The following GABRR3 variants were observed in gnomAD, a reference collection of about 807,000 sequenced individuals.
GABRR3 encodes gamma-aminobutyric acid receptor subunit rho-3.
Under a neutral mutation model 43.2 loss-of-function variants are expected in GABRR3, and 29 were observed. The observed-to-expected ratio is 0.67, with a 90% CI of 0.50 to 0.92. The LOEUF (loss-of-function observed/expected upper bound fraction) is 0.92. Ranked by LOEUF, GABRR3 falls within the 40% of genes least tolerant of loss-of-function variation. The pLI, the probability that GABRR3 is intolerant of heterozygous loss-of-function variation, is 0.00. For synonymous variants in GABRR3, 206 were observed against 195.9 expected, an observed-to-expected ratio of 1.05 and a Z score of -0.43; for missense variants, 576 against 572.3, an observed-to-expected ratio of 1.01 and a Z score of -0.07.
intron 2 of GABRR3, among the ~76,000 whole-genome samples, chr3:98,032,712 T>C (rs1425536733): frequency 6.6e-6 from 1 of 152,216 alleles, no homozygotes; most frequent in Non-Finnish European, 1.5e-5. Flanking sequence ...AGTGAGGTTA[T>C]ATTCTGAATG....
At chr3:98,008,924 G>T in intron 6 of GABRR3, 32 bp downstream of exon 6, 1 of 1,298,946 alleles carries the variant, frequency 7.7e-7, no homozygotes, top group Non-Finnish European at 1.1e-6. Flanking sequence ...TTCAAATGAT[G>T]TGCACTCACT....
At chr3:98,024,388 AAAG>A (rs1559781039) in intron 3 of GABRR3, among the ~76,000 whole-genome samples, 1 of 151,290 alleles carries the variant, frequency 6.6e-6, no homozygotes, top group Non-Finnish European at 1.5e-5. Flanking sequence ...AAAAAAAAAA[AAAG>A]AACAGGAACC....
intron 5 of GABRR3, among the ~76,000 whole-genome samples, chr3:98,011,099 C>T (rs1206405507): frequency 6.6e-6 from 1 of 152,142 alleles, no homozygotes; most frequent in African/African-American, 2.4e-5. Context: ...GGCCCTGTTC[C>T]TCCCCCAACC....
At chr3:98,017,597 G>T in intron 4 of GABRR3, 58 bp downstream of exon 4, 1 of 1,204,498 alleles carries the variant, frequency 8.3e-7, no homozygotes, top group South Asian at 1.3e-5. Flanking sequence ...TAGTGATTTT[G>T]ACACTGCCGA....
intron 4 of GABRR3, among the ~76,000 whole-genome samples, chr3:98,016,359 C>A (rs1191606692): frequency 6.6e-6 from 1 of 152,108 alleles, no homozygotes; most frequent in African/African-American, 2.4e-5. Flanking sequence ...TTGAAAGAAC[C>A]TAGTACCTCC....
At chr3:98,032,465 C>G (rs1707098549) in intron 2 of GABRR3, among the ~76,000 whole-genome samples, 1 of 152,122 alleles carries the variant, frequency 6.6e-6, no homozygotes, top group Non-Finnish European at 1.5e-5. Flanking sequence ...GTAAATATCA[C>G]TCAGTGTAAT....
At chr3:97,989,248 T>C (rs1164816791) in intron 9 of GABRR3, among the ~76,000 whole-genome samples, 1 of 141,202 alleles carries the variant, frequency 7.1e-6, no homozygotes, top group Non-Finnish European at 1.5e-5. Context: ...TGAACAGTGG[T>C]TGATGATGGT....
chr3:98,019,657 C>T (rs1029505376), intron 3 of GABRR3, among the ~76,000 whole-genome samples: 1 of 152,094 alleles, frequency 6.6e-6, no homozygotes, highest in African/African-American at 2.4e-5. Context: ...ACGATCTTGG[C>T]TCACTGCAAC....
At chr3:98,008,434 C>T (rs1706749710) in intron 6 of GABRR3, among the ~76,000 whole-genome samples, 1 of 152,146 alleles carries the variant, frequency 6.6e-6, no homozygotes, top group Non-Finnish European at 1.5e-5. Flanking sequence ...GACACATTTG[C>T]AAAAACTGCA....
At chr3:98,014,269 G>A (rs1226567817) in intron 4 of GABRR3, among the ~76,000 whole-genome samples, 1 of 152,186 alleles carries the variant, frequency 6.6e-6, no homozygotes, top group African/African-American at 2.4e-5. Context: ...TGCAAACTGG[G>A]TCATTCAGAA....
intron 3 of GABRR3, among the ~76,000 whole-genome samples, chr3:98,018,635 T>A (rs1192781808): frequency 6.6e-6 from 1 of 152,190 alleles, no homozygotes; most frequent in African/African-American, 2.4e-5. Context: ...TATGTACATA[T>A]GTGTTAAAAT....
At position 98,020,413 on chromosome 3, in the gene GABRR3, A is replaced by T. The variant is rs1031507344; in HGVS notation, c.239-2691T>A. 1.7e-4 allele frequency among the ~76,000 whole-genome samples: 24 copies of T among 144,662 alleles called. 1 individual carries two copies. Among genetic ancestry groups the T allele is most frequent in the African/African-American group, 6.1e-4 (24 of 39,042 alleles). 94.9% of individuals were successfully genotyped at this position (144,662 alleles called of 152,430 possible). A position where few individuals can be genotyped will look rare whatever the true frequency, so the allele number is the denominator to read the frequency against. ...AACCTGCCCCTTAGGAATGTAAGCC[A>T]CTACTCCCAATCCTACGCACATTTA... On this transcript the variant is annotated intron_variant, in intron 3 of 9. Coordinates refer to ENST00000621172, the Ensembl canonical transcript of GABRR3.
In GABRR3 at chr3:98,009,031, C is replaced by A. The variant is rs78317321; in HGVS notation, c.538G>T (p.Val180Phe). The A allele has an allele frequency of 5.6e-6, 9 of 1,602,120 alleles. No homozygotes were observed. The highest frequency in any genetic ancestry group is 5.1e-5 in the Admixed American group (3 of 58,822). ...AAATCCATAAAGCACATGGCCGAAA[C>A]CGTTATCCTATAAAAAGAATGAGAA... Residue 180 changes from valine (V) to phenylalanine (F), a missense_variant, in exon 6 of 10, where the codon GTT becomes TTT. Val to Phe is a conservative substitution (Grantham distance 50). Transcript: ENST00000621172.
chr3:98,033,341 G>A (rs1014178879), intron 2 of GABRR3, among the ~76,000 whole-genome samples: 1 of 152,224 alleles, frequency 6.6e-6, no homozygotes, highest in Admixed American at 6.5e-5. Context: ...TACGGGGGAA[G>A]TCTGCTTTTG....
chr3:97,995,752 G>A (rs574836910), intron 8 of GABRR3, among the ~76,000 whole-genome samples: 13 of 152,104 alleles, frequency 8.5e-5, no homozygotes, highest in African/African-American at 1.7e-4. Context: ...TATATCTTGC[G>A]CCACCCCTCA....
rs1221453329 is a variant in GABRR3 at position 98,034,883 on chromosome 3, G to A, written c.105C>T (p.Ser35=). 5 of 1,613,060 alleles carry A rather than the reference G, an allele frequency of 3.1e-6. No homozygotes were observed. In the East Asian group the frequency reaches 1.1e-4, roughly 36 times the overall value. ...CTTACCAGGTTTGTTTCATTGAAGAGGAGCACCGCTGGTGTGTCATCTTGA... is the reference window on the plus strand; with the variant it reads ...CTTACCAGGTTTGTTTCATTGAAGAAGAGCACCGCTGGTGTGTCATCTTGA... Residue 35 remains serine (S), a synonymous_variant, in exon 2 of 10, where the codon TCC becomes TCT. Coordinates refer to ENST00000621172, the Ensembl canonical transcript of GABRR3.
chr3:98,001,764 C>A (rs772487886), exon 8 of GABRR3: 2 of 1,612,762 alleles, frequency 1.2e-6, no homozygotes, highest in Non-Finnish European at 1.7e-6. Flanking sequence ...CCTATTGTAC[C>A]AACCTGTGGA....
At chr3:98,009,729 C>T (rs930033980) in intron 5 of GABRR3, among the ~76,000 whole-genome samples, 1 of 152,130 alleles carries the variant, frequency 6.6e-6, no homozygotes, top group Non-Finnish European at 1.5e-5. Flanking sequence ...TCATAAAGGG[C>T]CCCTGAGCAG....
intron 9 of GABRR3, 69 bp downstream of exon 9, chr3:97,992,783 G>T: frequency 7.2e-7 from 1 of 1,385,750 alleles, no homozygotes; most frequent in Non-Finnish European, 9.8e-7. Context: ...ACTGTCAAGA[G>T]AGGGCAATAG....
Sources: gnomAD v4.1 joint callset for allele counts (sites outside exome capture counted in the v4.1 genomes callset) on GRCh38, gnomAD v4.1.1 for gene constraint, MANE v1.5 for transcripts, NCBI Gene and HGNC (gene_info 2026-07-23, HGNC 2026-07-21) for gene names.